Variants in HIPK2 observed in about 807,000 individuals in gnomAD.
HIPK2 encodes the protein homeodomain-interacting protein kinase 2.
In HIPK2, 27 loss-of-function variants were observed where a neutral mutation model predicts 113.7. That is an observed-to-expected ratio of 0.24 (90% CI 0.17 to 0.33). HIPK2 has a LOEUF of 0.33. Among genes scored for constraint, HIPK2 ranks in the 10% least tolerant of loss-of-function variants. The probability of loss-of-function intolerance (pLI) is 1.00; values close to 1 mark genes in which losing one functional copy is unlikely to be tolerated. For synonymous variants in HIPK2, 631 were observed against 642.2 expected (o/e 0.98, Z 0.26); for missense variants, 1,257 against 1,588.0 (o/e 0.79, Z 3.54).
intron 2 of HIPK2, among the ~76,000 whole-genome samples, chr7:139,654,339 T>G (rs373679865): frequency 6.6e-6 from 1 of 151,120 alleles, no homozygotes; most frequent in Non-Finnish European, 1.5e-5. Context: ...CAGCGAGACT[T>G]TGTCTACAAA....
chr7:139,592,201 A>G (rs577110771), intron 12 of HIPK2, among the ~76,000 whole-genome samples: 43 of 152,304 alleles, frequency 2.8e-4, no homozygotes, highest in Non-Finnish European at 4.6e-4. Flanking sequence ...ATACTGAATG[A>G]TATTTATGAA....
At chr7:139,684,800 GA>G (rs1794169117) in intron 2 of HIPK2, among the ~76,000 whole-genome samples, 1 of 152,168 alleles carries the variant, frequency 6.6e-6, no homozygotes, top group South Asian at 2.1e-4. Context: ...AAACATTCTT[GA>G]AAGAAATTAA....
At chr7:139,578,336 G>C (rs1041417769) in intron 13 of HIPK2, among the ~76,000 whole-genome samples, 2 of 152,164 alleles carry the variant, frequency 1.3e-5, no homozygotes, top group African/African-American at 4.8e-5. Context: ...GGTAGAGACA[G>C]AGTTTGACCA....
At chr7:139,766,401 C>T (rs1419669479) in intron 1 of HIPK2, among the ~76,000 whole-genome samples, 1 of 152,162 alleles carries the variant, frequency 6.6e-6, no homozygotes. Context: ...GCTTGGCTGC[C>T]CTCTACCACA....
chr7:139,688,638 T>A (rs1794302099), intron 2 of HIPK2, among the ~76,000 whole-genome samples: 1 of 152,186 alleles, frequency 6.6e-6, no homozygotes. Context: ...AATCTTAGCA[T>A]CAAGTCCTCC....
intron 13 of HIPK2, among the ~76,000 whole-genome samples, chr7:139,578,124 C>T (rs1472408727): frequency 6.6e-6 from 1 of 152,196 alleles, no homozygotes; most frequent in African/African-American, 2.4e-5. Flanking sequence ...ATTCTCCTGC[C>T]TCAGCCTCCC....
rs373687704 is a variant in HIPK2 at position 139,575,295 on chromosome 7, C to T, written c.2966-7G>A. The T allele has an allele frequency of 3.7e-5, 57 of 1,556,860 alleles. No homozygotes were observed. In the African/African-American group the frequency reaches 6.0e-4, roughly 16 times the overall value. ...GAGTGGTGACTGGTGTTGACTGTGG[C>T]GGGAGGAGAAAGAGGTCAGATCAGT... is the stretch of plus-strand genomic sequence containing the variant. On this transcript the variant is annotated splice_polypyrimidine_tract_variant and splice_region_variant and intron_variant, in intron 13 of 14. Coordinates refer to ENST00000406875, the MANE Select transcript of HIPK2 (RefSeq NM_022740.5).
At position 139,575,284 on chromosome 7, in the gene HIPK2, G is replaced by A. The variant is rs1798452060; in HGVS notation, c.2970C>T (p.Asn990=). 1 of 1,568,194 alleles carries A rather than the reference G, an allele frequency of 6.4e-7. No individual in the cohort carries two copies. The highest frequency in any genetic ancestry group is 8.6e-7 in the Non-Finnish European group (1 of 1,156,436). Residue 990 remains asparagine (N), a synonymous_variant, in exon 14 of 15, where the codon AAC becomes AAT. Coordinates refer to ENST00000406875, the MANE Select transcript of HIPK2 (RefSeq NM_022740.5). ...TGTAGGAGGACGAGTGGTGACTGGTGTTGACTGTGGCGGGAGGAGAAAGAG... is the reference window on the plus strand; with the variant it reads ...TGTAGGAGGACGAGTGGTGACTGGTATTGACTGTGGCGGGAGGAGAAAGAG... ...LVECDSLVPV[N]TSHHSSSYKS...
At chr7:139,598,555 G>A (rs1569449827) in intron 11 of HIPK2, among the ~76,000 whole-genome samples, 1 of 152,256 alleles carries the variant, frequency 6.6e-6, no homozygotes, top group Non-Finnish European at 1.5e-5. Context: ...ACAAGGGAGA[G>A]ACTTCTGGTC....
intron 13 of HIPK2, among the ~76,000 whole-genome samples, chr7:139,577,504 A>C (rs1032336412): frequency 6.6e-6 from 1 of 152,078 alleles, no homozygotes; most frequent in Non-Finnish European, 1.5e-5. Flanking sequence ...AAAGTGTGGG[A>C]GGCAGAAAAT....
At chr7:139,774,677 G>C (rs1025765535) in intron 1 of HIPK2, among the ~76,000 whole-genome samples, 1 of 152,006 alleles carries the variant, frequency 6.6e-6, no homozygotes, top group Non-Finnish European at 1.5e-5. Context: ...CATATCTCAG[G>C]GAGAGGAAAA....
At chr7:139,684,557 C>G (rs1283123266) in intron 2 of HIPK2, among the ~76,000 whole-genome samples, 1 of 152,074 alleles carries the variant, frequency 6.6e-6, no homozygotes. Context: ...TCTCTACAAA[C>G]AAAATATTTT....
At chr7:139,729,376 A>AGG (rs1478065938) in intron 1 of HIPK2, among the ~76,000 whole-genome samples, 5 of 121,346 alleles carry the variant, frequency 4.1e-5, no homozygotes, top group African/African-American at 2.0e-4. Context: ...AGAGAGAGAG[A>AGG]GAGAGAGAAT....
intron 2 of HIPK2, among the ~76,000 whole-genome samples, chr7:139,706,744 T>C (rs1332951829): frequency 1.3e-5 from 2 of 152,244 alleles, no homozygotes; most frequent in African/African-American, 4.8e-5. Context: ...CTGTGAATTC[T>C]TAGCTTGCAT....
Position 139,569,010 on chromosome 7 carries a change from T to C in HIPK2, c.*3917A>G, listed in dbSNP as rs953526937. 2 of 152,298 alleles carry C rather than the reference T, an allele frequency of 1.3e-5. No individual in the cohort carries two copies. Among genetic ancestry groups the C allele is most frequent in the African/African-American group, 2.4e-5 (1 of 41,442 alleles). 9.4% of individuals were successfully genotyped at this position (152,298 alleles called of 1,614,324 possible). ...ACTTTGTGGGTCTGGGGACAGCGTG[T>C]GAGCACCCAGCGCACACAGCACAGT... On this transcript the variant is annotated 3_prime_UTR_variant, in exon 15 of 15. Transcript: ENST00000406875.
At chr7:139,609,741 T>A (rs1345989467) in intron 9 of HIPK2, among the ~76,000 whole-genome samples, 1 of 152,162 alleles carries the variant, frequency 6.6e-6, no homozygotes, top group Non-Finnish European at 1.5e-5. Context: ...CATATTGGCA[T>A]GGATTAAGTG....
intron 1 of HIPK2, among the ~76,000 whole-genome samples, chr7:139,772,625 T>C (rs1399050400): frequency 1.3e-5 from 2 of 152,154 alleles, no homozygotes; most frequent in African/African-American, 4.8e-5. Flanking sequence ...TCTCGCTCCA[T>C]TGCCCAGGCT....
At chr7:139,621,319 T>C (rs1313859489) in intron 6 of HIPK2, among the ~76,000 whole-genome samples, 1 of 152,210 alleles carries the variant, frequency 6.6e-6, no homozygotes, top group Non-Finnish European at 1.5e-5. Flanking sequence ...TACCTTCGTG[T>C]ATACACATAC....
rs200187327 is a variant in HIPK2, at chr7:139,776,605, G to A, written c.19+1000C>T. ...ATCCACAGAATATCTGAACAAAACCGAAAGAAAGCCGGGGGACCCACGCTA... is the reference window on the plus strand; with the variant it reads ...ATCCACAGAATATCTGAACAAAACCAAAAGAAAGCCGGGGGACCCACGCTA... On this transcript the variant is annotated intron_variant, in intron 1 of 14. Transcript: ENST00000406875. 3.8e-5 allele frequency among the ~76,000 whole-genome samples: 5 copies of A among 131,956 alleles called. No individual in the cohort carries two copies. In the East Asian group the frequency reaches 1.1e-3, roughly 28 times the overall value. 86.6% of individuals were successfully genotyped at this position (131,956 alleles called of 152,430 possible).
Sources: gnomAD v4.1 joint callset for allele counts (sites outside exome capture counted in the v4.1 genomes callset) on GRCh38, gnomAD v4.1.1 for gene constraint, MANE v1.5 for transcripts, NCBI Gene and HGNC (gene_info 2026-07-23, HGNC 2026-07-21) for gene names.